PIEZO2: variants seen among roughly 807,000 people sequenced by gnomAD.
The protein encoded by PIEZO2 is piezo type mechanosensitive ion channel component 2.
Under a neutral mutation model 337.3 loss-of-function variants are expected in PIEZO2, and 172 were observed. That is an observed-to-expected ratio of 0.51 (90% CI 0.45 to 0.58). PIEZO2 has a LOEUF of 0.58. Among genes scored for constraint, PIEZO2 ranks in the 20% least tolerant of loss-of-function variants. PIEZO2 has a pLI of 0.00. For synonymous variants in PIEZO2, 1,251 were observed against 1,228.5 expected (o/e 1.02, Z -0.38); for missense variants, 3,028 against 3,391.3 (o/e 0.89, Z 2.66).
chr18:11,113,583 A>C (rs2039798007), intron 1 of PIEZO2, among the ~76,000 whole-genome samples: 1 of 152,224 alleles, frequency 6.6e-6, no homozygotes, highest in Non-Finnish European at 1.5e-5. Flanking sequence ...CCTTTCTTAC[A>C]GACCTGGGAG....
Position 10,789,160 on chromosome 18 carries a change from G to A in PIEZO2, c.2088C>T (p.Phe696=), listed in dbSNP as rs757909006. 1.3e-5 allele frequency: 20 copies of A among 1,537,142 alleles called. No homozygotes were observed. Among genetic ancestry groups the A allele is most frequent in the Middle Eastern group, 1.7e-4 (1 of 6,012 alleles). Residue 696 remains phenylalanine, a synonymous_variant, in exon 15 of 56, where the codon TTC becomes TTT. Transcript: ENST00000674853. The part of the protein sequence containing the change: ...YWIYVCGGMF[F]FVSFEGKIVM... ...CGATTTTACCCTCGAAGCTGACGAA[G>A]AAGAACATGCCTCCGCAGACGTAGA...
chr18:10,696,238 G>A lies in PIEZO2; in HGVS notation c.7026C>T (p.Val2342=). 1 of 1,614,204 alleles carries A rather than the reference G, an allele frequency of 6.2e-7. No homozygotes were observed. Among genetic ancestry groups the A allele is most frequent in the Non-Finnish European group, 8.5e-7 (1 of 1,180,040 alleles). ...GGACCATCACCAAAAACGGCCCCGG[G>A]ACCTGGTCCTCTGACAGTGAAGAGG... is the stretch of plus-strand genomic sequence containing the variant. The part of the protein sequence containing the change: ...DITSSLSEDQ[V]PGPFLVMVLI... The change falls in exon 47 of 56, where the codon GTC becomes GTT. Residue 2342 remains valine (V), a synonymous_variant. Coordinates refer to ENST00000674853, the MANE Select transcript of PIEZO2 (RefSeq NM_001378183.1).
rs141352383 is a variant in PIEZO2, at chr18:11,014,624, G to A, written c.161-34964C>T. On this transcript the variant is annotated intron_variant, in intron 2 of 55. Transcript: ENST00000674853. ...CCCCTCATTCCTCAGTGGGGAACAC[G>A]TCACTCTGGGTGGGACAGCGATCCA... 3.9e-4 allele frequency among the ~76,000 whole-genome samples: 55 copies of A among 139,312 alleles called. No homozygotes were observed. The East Asian group carries it at 7.9e-3, about 20-fold the overall frequency. The allele number at this position is 139,312 out of a possible 152,430, so 91.4% of individuals were successfully genotyped here.
chr18:10,691,450 C>A, intron 47 of PIEZO2, 67 bp from the exon 48 acceptor site: 1 of 1,487,884 alleles, frequency 6.7e-7, no homozygotes, highest in South Asian at 1.3e-5. Flanking sequence ...ATGGCAGTGT[C>A]AAATTAAAAC....
intron 2 of PIEZO2, among the ~76,000 whole-genome samples, chr18:11,025,627 T>C (rs928777362): frequency 2.0e-5 from 3 of 152,160 alleles, no homozygotes; most frequent in African/African-American, 7.2e-5. Context: ...TGTGCCTTTC[T>C]GGAATGAAAA....
rs554022091 is a variant in PIEZO2, at chr18:10,917,213, A to T, written c.287-5985T>A. On this transcript the variant is annotated intron_variant, in intron 3 of 55. Coordinates refer to ENST00000674853, the MANE Select transcript of PIEZO2 (RefSeq NM_001378183.1). Reference sequence around the variant, plus strand: ...TTATTTCCTCTAATTTTTTTCTGTAATAGTGGTTTAAAACCACAGGGCTTT... The same window carrying T: ...TTATTTCCTCTAATTTTTTTCTGTATTAGTGGTTTAAAACCACAGGGCTTT... 3.9e-5 allele frequency among the ~76,000 whole-genome samples: 6 copies of T among 152,284 alleles called. No individual in the cohort carries two copies. The South Asian group carries it at 1.0e-3, about 26-fold the overall frequency.
chr18:10,836,126 AAGTTACTCTCG>A (rs2041005414), intron 7 of PIEZO2, among the ~76,000 whole-genome samples: 1 of 152,152 alleles, frequency 6.6e-6, no homozygotes, highest in Non-Finnish European at 1.5e-5. Flanking sequence ...AAATGGAATA[AAGTTACTCTCG>A]ACACACTTAG....
At chr18:10,956,755 G>T (rs1204687182) in intron 3 of PIEZO2, among the ~76,000 whole-genome samples, 1 of 152,096 alleles carries the variant, frequency 6.6e-6, no homozygotes, top group African/African-American at 2.4e-5. Context: ...TGGATCACCT[G>T]AGGTCAGAAG....
At chr18:10,744,349 A>T (rs888000556) in intron 30 of PIEZO2, 118 bp from the exon 31 acceptor site, 1 of 672,272 alleles carries the variant, frequency 1.5e-6, no homozygotes, top group African/African-American at 1.8e-5. Flanking sequence ...AGCTGCTTGT[A>T]GTTTCCTGGC....
At chr18:10,972,387 A>G (rs1442680275) in intron 3 of PIEZO2, among the ~76,000 whole-genome samples, 2 of 152,088 alleles carry the variant, frequency 1.3e-5, no homozygotes, top group Non-Finnish European at 2.9e-5. Flanking sequence ...ACAAGCTTTC[A>G]GGTAGGTGCC....
chr18:10,976,930 G>A (rs2034461856), intron 3 of PIEZO2, among the ~76,000 whole-genome samples: 1 of 151,768 alleles, frequency 6.6e-6, no homozygotes, highest in African/African-American at 2.4e-5. Context: ...GGTACTAGTA[G>A]AGGTCCCACC....
rs1287008620 is a variant in PIEZO2 at position 10,862,810 on chromosome 18, T to C, written c.493-5599A>G. Among the ~76,000 whole-genome samples the C allele has an allele frequency of 8.5e-5, 13 of 152,248 alleles. No homozygotes were observed. ...GGCCCTGGCCGACATTGGCAACCAC[T>C]GATCAATGAATTCTCCATAGGGGTT... On this transcript the variant is annotated intron_variant, in intron 5 of 55. Coordinates refer to ENST00000674853, the MANE Select transcript of PIEZO2 (RefSeq NM_001378183.1). The surrounding 1 kb of genome is among the most constrained non-coding windows in gnomAD (Gnocchi z 4.4).
At position 11,105,704 on chromosome 18, in the gene PIEZO2, G is replaced by A. The variant is rs181352503; in HGVS notation, c.65-39482C>T. ...GTGTCCTCTGAAAGCCTGAGCTGGGGAATGTTTCATGAATGCTAGTGCTGC... is the reference window on the plus strand; with the variant it reads ...GTGTCCTCTGAAAGCCTGAGCTGGGAAATGTTTCATGAATGCTAGTGCTGC... On this transcript the variant is annotated intron_variant, in intron 1 of 55. Transcript: ENST00000674853. This position sits in a 1 kb window ranked among gnomAD's most constrained non-coding sequence, Gnocchi z 4.3. Among the ~76,000 whole-genome samples, 26 of 152,270 alleles carry A rather than the reference G, an allele frequency of 1.7e-4. No homozygotes were observed. Among genetic ancestry groups the A allele is most frequent in the African/African-American group, 6.0e-4 (25 of 41,550 alleles).
intron 18 of PIEZO2, among the ~76,000 whole-genome samples, chr18:10,777,170 A>C (rs1568045190): frequency 6.6e-6 from 1 of 152,188 alleles, no homozygotes; most frequent in Non-Finnish European, 1.5e-5. Flanking sequence ...GTTTTCTTTA[A>C]CATTACTGAT....
chr18:10,859,399 C>T lies in PIEZO2; in HGVS notation c.493-2188G>A, dbSNP rs2041813797. On this transcript the variant is annotated intron_variant, in intron 5 of 55. Transcript: ENST00000674853. This position sits in a 1 kb window ranked among gnomAD's most constrained non-coding sequence, Gnocchi z 4.9. Reference sequence around the variant, plus strand: ...GCTCCAGCCAGTACATCAGACCACTCACCTGCAGCTGGCCTGCCACGCACG... The same window carrying T: ...GCTCCAGCCAGTACATCAGACCACTTACCTGCAGCTGGCCTGCCACGCACG... 6.6e-6 allele frequency among the ~76,000 whole-genome samples: 1 copy of T among 152,214 alleles called. No homozygotes were observed. Among genetic ancestry groups the T allele is most frequent in the South Asian group, 2.1e-4 (1 of 4,836 alleles).
Position 11,112,570 on chromosome 18 carries a change from C to T in PIEZO2, c.64+35955G>A, listed in dbSNP as rs1276865485. Among the ~76,000 whole-genome samples, 1 of 152,158 alleles carries T rather than the reference C, an allele frequency of 6.6e-6. No individual in the cohort carries two copies. The highest frequency in any genetic ancestry group is 6.5e-5 in the Admixed American group (1 of 15,278). ...CACAGATTGGCCTTGGAGCAGCTAT[C>T]GAAACCACATAAACATTGCATACTA... On this transcript the variant is annotated intron_variant, in intron 1 of 55. Coordinates refer to ENST00000674853, the MANE Select transcript of PIEZO2 (RefSeq NM_001378183.1). This position sits in a 1 kb window ranked among gnomAD's most constrained non-coding sequence, Gnocchi z 4.3.
intron 7 of PIEZO2, among the ~76,000 whole-genome samples, chr18:10,818,155 A>G (rs2040419088): frequency 6.6e-6 from 1 of 152,192 alleles, no homozygotes; most frequent in South Asian, 2.1e-4. Flanking sequence ...CCCTTAAAGA[A>G]GTAGTCATAC....
chr18:10,682,257 T>G lies in PIEZO2; in HGVS notation c.7533A>C (p.Lys2511Asn). The change falls in exon 50 of 56, where the codon AAA becomes AAC. Residue 2511 changes from lysine to asparagine, a missense_variant. Lys to Asn is a moderately conservative substitution (Grantham distance 94). This residue lies in a region of PIEZO2 where 179 missense variants were observed against 281.8 expected (regional missense o/e 0.64). Transcript: ENST00000674853. The surrounding 1 kb of genome is among the most constrained non-coding windows in gnomAD (Gnocchi z 5.6). ...YPQPRGQKKK[K>N]VVKYGMGGMI... ...TTCCTCCCATGCCATACTTCACCAC[T>G]TTCTTCTTCTTCTGGCCCCGTGGCT... 6.5e-7 allele frequency: 1 copy of G among 1,537,054 alleles called. No homozygotes were observed. The highest frequency in any genetic ancestry group is 2.4e-5 in the East Asian group (1 of 40,908).
chr18:11,054,982 A>C (rs8094071), intron 2 of PIEZO2, among the ~76,000 whole-genome samples: 121,941 of 151,976 alleles, frequency 0.8, 49,329 homozygotes, highest in East Asian at 0.99. Context: ...GAGGCCGAGG[A>C]GGGCAGATCA....
Sources: allele counts gnomAD v4.1 joint callset (sites outside exome capture counted in the v4.1 genomes callset), GRCh38; gene constraint gnomAD v4.1.1; regional missense constraint gnomAD v4.1.1; non-coding constraint Gnocchi (gnomAD v3.1); transcripts MANE v1.5; gene names NCBI Gene and HGNC (gene_info 2026-07-23, HGNC 2026-07-21).